RASIP1: variants seen among roughly 807,000 people sequenced by gnomAD.
The protein encoded by RASIP1 is Ras interacting protein 1.
A neutral mutation model predicts 85.3 loss-of-function variants in RASIP1; 20 were observed. That is an observed-to-expected ratio of 0.23 (90% CI 0.17 to 0.34). The LOEUF is 0.34. RASIP1 is among the 10% of genes least tolerant of loss of function. The pLI, the probability that RASIP1 is intolerant of heterozygous loss-of-function variation, is 1.00. For missense variants in RASIP1, 1,170 were observed against 1,390.9 expected (o/e 0.84, Z 2.53); for synonymous variants, 617 against 647.1 (o/e 0.95, Z 0.71).
chr19:48,727,346 C>A, intron 6 of RASIP1, 47 bp downstream of exon 6: 1 of 1,603,440 alleles, frequency 6.2e-7, no homozygotes. Flanking sequence ...GACGCAAAAC[C>A]CAACCCCTGC....
chr19:48,729,524 G>T lies in RASIP1; in HGVS notation c.1246C>A (p.Arg416Ser). Reference protein sequence around the residue: ...VFGRGGNSSGRGGSPAPYVDT... With the variant: ...VFGRGGNSSGSGGSPAPYVDT... ...ACATAGGGAGCCGGGGACCCCCCGC[G>T]GCCAGACGAGTTCCCACCTCGCCCA... Residue 416 changes from arginine to serine, a missense_variant, in exon 5 of 12, where the codon CGC becomes AGC. Arg to Ser is a moderately radical substitution (Grantham distance 110). Transcript: ENST00000222145. The T allele has an allele frequency of 6.3e-7, 1 of 1,599,834 alleles. No individual in the cohort carries two copies. Among genetic ancestry groups the T allele is most frequent in the Non-Finnish European group, 8.5e-7 (1 of 1,173,810 alleles).
rs747867026 is a variant in RASIP1, at chr19:48,728,971, C to T, written c.1799G>A (p.Gly600Asp). The change falls in exon 5 of 12, where the codon GGC (glycine) becomes GAC (aspartate). Residue 600 changes from glycine (G) to aspartate (D), a missense_variant. Transcript: ENST00000222145. ...CTCCTTGATGAGCCGGGCCAGGCGG[C>T]CCAGCAGTCGTGGCAGGTGGCCCAG... ...LELGHLPRLLGRLARLIKEAV... is the reference protein window; with the variant it reads ...LELGHLPRLLDRLARLIKEAV... 8 of 1,458,848 alleles carry T rather than the reference C, an allele frequency of 5.5e-6. No individual in the cohort carries two copies. The highest frequency in any genetic ancestry group is 6.3e-6 in the Non-Finnish European group (7 of 1,114,226). The allele number at this position is 1,458,848 out of a possible 1,614,324, so 90.4% of individuals were successfully genotyped here.
At position 48,739,009 on chromosome 19, in the gene RASIP1, C is replaced by G; in HGVS notation, c.774G>C (p.Glu258Asp). ...CCTCCTGCTCCAGGCGCCGCGCCTC[C>G]TCGCGGCCGCGCAACTCGAAGCGCC... ...WARRFELRGREEARRLEQEAF... is the reference protein window; with the variant it reads ...WARRFELRGRDEARRLEQEAF... Residue 258 changes from glutamate (E) to aspartate (D), a missense_variant, in exon 3 of 12, where the codon GAG (glutamate) becomes GAC (aspartate). Physicochemically the swap from Glu to Asp is conservative, Grantham distance 45. This residue lies in a region of RASIP1 where 301 missense variants were observed against 294.8 expected (regional missense o/e 1.02). Transcript: ENST00000222145. This position sits in a 1 kb window ranked among gnomAD's most constrained non-coding sequence, Gnocchi z 9.2. 1 of 1,247,088 alleles carries G rather than the reference C, an allele frequency of 8.0e-7. No individual in the cohort carries two copies. Among genetic ancestry groups the G allele is most frequent in the Non-Finnish European group, 1.0e-6 (1 of 999,480 alleles). 77.3% of individuals were successfully genotyped at this position (1,247,088 alleles called of 1,614,324 possible).
Position 48,729,333 on chromosome 19 carries a change from C to T in RASIP1, c.1437G>A (p.Leu479=). 1 of 1,560,766 alleles carries T rather than the reference C, an allele frequency of 6.4e-7. No individual in the cohort carries two copies. Among genetic ancestry groups the T allele is most frequent in the Non-Finnish European group, 8.7e-7 (1 of 1,153,210 alleles). Reference sequence around the variant, plus strand: ...TGTACATGAACAGGAAGTGCTCGCCCAGCCCCAGGAGGTCGCCCGGGTGCA... The same window carrying T: ...TGTACATGAACAGGAAGTGCTCGCCTAGCCCCAGGAGGTCGCCCGGGTGCA... The part of the protein sequence containing the change: ...AELHPGDLLG[L]GEHFLFMYKD... The change falls in exon 5 of 12, where the codon CTG becomes CTA. Residue 479 remains leucine, a synonymous_variant. Transcript: ENST00000222145.
chr19:48,725,990 G>A (rs930514753), intron 8 of RASIP1, among the ~76,000 whole-genome samples: 2 of 152,022 alleles, frequency 1.3e-5, no homozygotes, highest in African/African-American at 4.8e-5. Flanking sequence ...GCAATGGTGC[G>A]ATTTCAGCTC....
Position 48,720,809 on chromosome 19 carries a change from T to G in RASIP1, c.2881A>C (p.Thr961Pro), listed in dbSNP as rs562473241. The change falls in exon 12 of 12, where the codon ACG (threonine) becomes CCG (proline). Residue 961 changes from threonine (T) to proline (P), a missense_variant. Thr to Pro is a conservative substitution (Grantham distance 38). Transcript: ENST00000222145. Reference protein sequence around the residue: ...ANYRHGPPVATSP With the variant: ...ANYRHGPPVAPSP Reference sequence around the variant, plus strand: ...TTTGGTATTGGTTCTCAAGGAGACGTGGCCACGGGAGGCCCATGGCGATAA... The same window carrying G: ...TTTGGTATTGGTTCTCAAGGAGACGGGGCCACGGGAGGCCCATGGCGATAA... The G allele has an allele frequency of 1.4e-5, 22 of 1,613,962 alleles. No homozygotes were observed. In the South Asian group the frequency reaches 1.6e-4, roughly 12 times the overall value.
intron 4 of RASIP1, among the ~76,000 whole-genome samples, chr19:48,734,457 G>A (rs1411998859): frequency 6.7e-6 from 1 of 150,296 alleles, no homozygotes; most frequent in Non-Finnish European, 1.5e-5. Flanking sequence ...GGGACCACAG[G>A]TGCACACCAC....
chr19:48,736,032 A>G (rs978289560), intron 3 of RASIP1, among the ~76,000 whole-genome samples: 11 of 151,196 alleles, frequency 7.3e-5, no homozygotes, highest in Non-Finnish European at 1.5e-4. Flanking sequence ...GTCGGTCTCG[A>G]ACTCCTGACC....
intron 10 of RASIP1, among the ~76,000 whole-genome samples, chr19:48,722,496 A>C (rs1378926695): frequency 6.6e-6 from 1 of 151,820 alleles, no homozygotes; most frequent in Non-Finnish European, 1.5e-5. Flanking sequence ...CACCTGGTTA[A>C]GTTTTTGTAG....
At chr19:48,730,959 A>G (rs940827070) in intron 4 of RASIP1, among the ~76,000 whole-genome samples, 3 of 149,982 alleles carry the variant, frequency 2.0e-5, no homozygotes. Flanking sequence ...AGAGGTTGCA[A>G]TGAGCCAAGA....
intron 5 of RASIP1, 143 bp downstream of exon 5, chr19:48,728,794 C>T (rs976055594): frequency 4.8e-5 from 35 of 731,818 alleles, no homozygotes; most frequent in Non-Finnish European, 6.4e-5. Flanking sequence ...ACAAACAAAA[C>T]CCAAAACCCC....
chr19:48,737,538 C>T (rs1325464597), intron 3 of RASIP1: 5 of 985,426 alleles, frequency 5.1e-6, no homozygotes, highest in Non-Finnish European at 6.0e-6. Context: ...TGGCAGCCAA[C>T]CCAGCCTAAG....
In RASIP1 at chr19:48,739,219, G is replaced by A; in HGVS notation, c.564C>T (p.Ser188=). Residue 188 remains serine (S), a synonymous_variant, in exon 3 of 12, where the codon AGC becomes AGT. Coordinates refer to ENST00000222145, the MANE Select transcript of RASIP1 (RefSeq NM_017805.3). This position sits in a 1 kb window ranked among gnomAD's most constrained non-coding sequence, Gnocchi z 9.2. Reference sequence around the variant, plus strand: ...TGCTCTCGCCGGGGCCACCGCCGGGGCTGCCTGCTAGGCCGTAGCGCTCTA... The same window carrying A: ...TGCTCTCGCCGGGGCCACCGCCGGGACTGCCTGCTAGGCCGTAGCGCTCTA... ...EALERYGLAG[S]PGGGPGESSC... 2 of 1,481,636 alleles carry A rather than the reference G, an allele frequency of 1.3e-6. No individual in the cohort carries two copies. The highest frequency in any genetic ancestry group is 1.3e-5 in the South Asian group (1 of 78,822). 91.8% of individuals were successfully genotyped at this position (1,481,636 alleles called of 1,614,324 possible).
intron 4 of RASIP1, 99 bp from the exon 5 acceptor site, chr19:48,729,689 C>CA: frequency 1.1e-6 from 1 of 905,962 alleles, no homozygotes; most frequent in Non-Finnish European, 1.7e-6. Flanking sequence ...TTCCCACCAA[C>CA]TTTTTTTTTC....
chr19:48,739,752 G>A lies in RASIP1; in HGVS notation c.138-107C>T. The A allele has an allele frequency of 8.0e-7, 1 of 1,252,356 alleles. No homozygotes were observed. Among genetic ancestry groups the A allele is most frequent in the South Asian group, 2.0e-5 (1 of 48,958 alleles). 77.6% of individuals were successfully genotyped at this position (1,252,356 alleles called of 1,614,324 possible). A position where few individuals can be genotyped will look rare whatever the true frequency, so the allele number is the denominator to read the frequency against. On this transcript the variant is annotated intron_variant, in intron 2 of 11. Coordinates refer to ENST00000222145, the MANE Select transcript of RASIP1 (RefSeq NM_017805.3). The surrounding 1 kb of genome is among the most constrained non-coding windows in gnomAD (Gnocchi z 9.2). Reference sequence around the variant, plus strand: ...GGAAGTGGGCAGAGACCCAGAGGGAGGACAGGGACCCAGGGTGGATGGACG... The same window carrying A: ...GGAAGTGGGCAGAGACCCAGAGGGAAGACAGGGACCCAGGGTGGATGGACG...
chr19:48,739,098 G>T lies in RASIP1; in HGVS notation c.685C>A (p.Leu229Met). The change falls in exon 3 of 12, where the codon CTG becomes ATG. Residue 229 changes from leucine (L) to methionine (M), a missense_variant. By Grantham distance (15) the Leu-to-Met change is conservative (BLOSUM62 2). Coordinates refer to ENST00000222145, the MANE Select transcript of RASIP1 (RefSeq NM_017805.3). This position sits in a 1 kb window ranked among gnomAD's most constrained non-coding sequence, Gnocchi z 9.2. Reference sequence around the variant, plus strand: ...AGCAGCGGGCGCTCGGAGTCGCCCAGCACGCGCAGGTGCTCCGCCCGCCAC... The same window carrying T: ...AGCAGCGGGCGCTCGGAGTCGCCCATCACGCGCAGGTGCTCCGCCCGCCAC... ...GEWRAEHLRV[L>M]GDSERPLLVQ... The T allele has an allele frequency of 1.5e-6, 2 of 1,316,192 alleles. No homozygotes were observed. The highest frequency in any genetic ancestry group is 1.9e-6 in the Non-Finnish European group (2 of 1,037,922). The allele number at this position is 1,316,192 out of a possible 1,614,324, so 81.5% of individuals were successfully genotyped here.
intron 3 of RASIP1, chr19:48,737,642 G>A: frequency 1.0e-6 from 1 of 985,270 alleles, no homozygotes; most frequent in Non-Finnish European, 1.2e-6. Flanking sequence ...CTCTGCAGGT[G>A]TCGCCCCCTT....
At position 48,739,760 on chromosome 19, in the gene RASIP1, AC is replaced by A; in HGVS notation, c.138-116del. On this transcript the variant is annotated intron_variant, in intron 2 of 11. Coordinates refer to ENST00000222145, the MANE Select transcript of RASIP1 (RefSeq NM_017805.3). The surrounding 1 kb of genome is among the most constrained non-coding windows in gnomAD (Gnocchi z 9.2). The stretch of plus-strand genomic sequence containing the variant: ...GCAGAGACCCAGAGGGAGGACAGGG[AC>A]CCAGGGTGGATGGACGGGGCGGGGG... 1 of 599,516 alleles carries A rather than the reference AC, an allele frequency of 1.7e-6. No individual in the cohort carries two copies. The highest frequency in any genetic ancestry group is 2.2e-6 in the Non-Finnish European group (1 of 460,604). The allele number at this position is 599,516 out of a possible 1,614,324, so 37.1% of individuals were successfully genotyped here.
chr19:48,731,279 GA>G (rs1303919424), intron 4 of RASIP1, among the ~76,000 whole-genome samples: 1 of 151,826 alleles, frequency 6.6e-6, no homozygotes, highest in Non-Finnish European at 1.5e-5. Context: ...ATTTCAAAGA[GA>G]TAATCCCCCT....
Sources: gnomAD v4.1 joint callset for allele counts (sites outside exome capture counted in the v4.1 genomes callset) on GRCh38, gnomAD v4.1.1 for gene constraint, gnomAD v4.1.1 regional missense constraint, Gnocchi (gnomAD v3.1) non-coding constraint, MANE v1.5 for transcripts, NCBI Gene and HGNC (gene_info 2026-07-23, HGNC 2026-07-21) for gene names.